TASP1: variants seen among roughly 807,000 people sequenced by gnomAD.
TASP1 encodes the protein taspase 1, also known as threonine aspartase 1.
In TASP1, 16 loss-of-function variants were observed where a neutral mutation model predicts 56.6. That is an observed-to-expected ratio of 0.28 (90% CI 0.19 to 0.43). The LOEUF (loss-of-function observed/expected upper bound fraction) is 0.43. Among genes scored for constraint, TASP1 ranks in the 20% least tolerant of loss-of-function variants. TASP1 has a pLI of 1.00. For missense variants in TASP1, 393 were observed against 511.6 expected, an observed-to-expected ratio of 0.77 and a Z score of 2.24; for synonymous variants, 179 against 184.2, an observed-to-expected ratio of 0.97 and a Z score of 0.23.
At chr20:13,280,048 C>T in the TASP1 span, 3 of 698,908 alleles carry the variant, frequency 4.3e-6, no homozygotes, top group Non-Finnish European at 7.0e-6. Flanking sequence ...CCGCAGAAGC[C>T]CAAAGGAGGC....
chr20:13,183,778 C>G, the TASP1 span, among the ~76,000 whole-genome samples: 2 of 151,752 alleles, frequency 1.3e-5, no homozygotes. Context: ...GCCTGTAATC[C>G]CAGCACTTTG....
chr20:13,595,816 A>G (rs2047707870), intron 4 of TASP1, among the ~76,000 whole-genome samples: 1 of 152,160 alleles, frequency 6.6e-6, no homozygotes, highest in Non-Finnish European at 1.5e-5. Context: ...AGACAGATCA[A>G]CAAGACAGAA....
intron 11 of TASP1, among the ~76,000 whole-genome samples, chr20:13,467,930 C>A (rs1364488603): frequency 6.6e-6 from 1 of 152,022 alleles, no homozygotes; most frequent in South Asian, 2.1e-4. Context: ...GCAGGAGAAT[C>A]GCTTGAACCC....
chr20:13,574,005 A>G (rs2046810448), intron 6 of TASP1, among the ~76,000 whole-genome samples: 1 of 152,198 alleles, frequency 6.6e-6, no homozygotes, highest in South Asian at 2.1e-4. Context: ...AGCTGCATAT[A>G]GAGAGTACGC....
chr20:13,329,185 C>A, the TASP1 span, among the ~76,000 whole-genome samples: 1 of 151,996 alleles, frequency 6.6e-6, no homozygotes, highest in African/African-American at 2.4e-5. Flanking sequence ...CACCTCCCTG[C>A]CAAAAAAATT....
the TASP1 span, chr20:13,238,204 C>T: frequency 6.6e-6 from 1 of 152,160 alleles, no homozygotes; most frequent in Admixed American, 6.5e-5. Flanking sequence ...CAAACATTCC[C>T]AGAAGTCCAG....
intron 7 of TASP1, among the ~76,000 whole-genome samples, chr20:13,562,978 G>T (rs1409637866): frequency 2.9e-5 from 4 of 139,234 alleles, no homozygotes; most frequent in Non-Finnish European, 6.2e-5. Context: ...GTATGTATGT[G>T]TGTGTATATA....
chr20:13,587,462 G>T, intron 4 of TASP1, 92 bp from the exon 5 acceptor site: 1 of 1,078,868 alleles, frequency 9.3e-7, no homozygotes, highest in Non-Finnish European at 1.3e-6. Flanking sequence ...GCTAGAAGGT[G>T]AGAGAATACT....
the TASP1 span, chr20:13,110,284 C>T: frequency 3.9e-6 from 5 of 1,281,890 alleles, no homozygotes; most frequent in Admixed American, 2.0e-5. Context: ...TGCGGAAAGG[C>T]TCACCTTTCC....
the TASP1 span, among the ~76,000 whole-genome samples, chr20:13,298,481 C>T: frequency 2.4e-4 from 37 of 152,270 alleles, no homozygotes; most frequent in African/African-American, 6.7e-4. Flanking sequence ...GAGTGATAAT[C>T]GGATCACGGT....
At chr20:13,401,212 A>C (rs2041727084) in intron 13 of TASP1, among the ~76,000 whole-genome samples, 1 of 152,210 alleles carries the variant, frequency 6.6e-6, no homozygotes, top group Non-Finnish European at 1.5e-5. Context: ...TTAAATGTTT[A>C]AATCTGTGTA....
At chr20:13,422,706 A>G (rs73901161) in intron 12 of TASP1, among the ~76,000 whole-genome samples, 4,357 of 152,312 alleles carry the variant, frequency 0.029, 202 homozygotes, top group African/African-American at 0.097. Flanking sequence ...ACCATTAAAA[A>G]GTGCAAAAAT....
At chr20:13,475,194 A>G (rs1291768148) in intron 11 of TASP1, among the ~76,000 whole-genome samples, 1 of 152,176 alleles carries the variant, frequency 6.6e-6, no homozygotes, top group East Asian at 1.9e-4. Context: ...ATATATATGT[A>G]TGTATAATTA....
the TASP1 span, among the ~76,000 whole-genome samples, chr20:13,137,652 T>C: frequency 6.6e-6 from 1 of 152,172 alleles, no homozygotes; most frequent in Non-Finnish European, 1.5e-5. Context: ...AAAGCATATA[T>C]TCTGTTCATT....
At chr20:13,374,894 A>C in the TASP1 span, among the ~76,000 whole-genome samples, 2 of 152,238 alleles carry the variant, frequency 1.3e-5, no homozygotes, top group East Asian at 3.9e-4. Context: ...TAATTTTAGC[A>C]GTTTTCTTTG....
At chr20:13,413,267 A>G (rs1228908333) in intron 13 of TASP1, among the ~76,000 whole-genome samples, 2 of 152,206 alleles carry the variant, frequency 1.3e-5, no homozygotes, top group African/African-American at 4.8e-5. Context: ...GGTGAGGGAA[A>G]TATGGTATGG....
chr20:13,128,857 A>G, the TASP1 span, among the ~76,000 whole-genome samples: 2 of 145,050 alleles, frequency 1.4e-5, no homozygotes, highest in Admixed American at 7.0e-5. Context: ...GGCATGCACC[A>G]CCATGCCCAG....
chr20:13,306,564 CAAAAAAAAA>C, the TASP1 span, among the ~76,000 whole-genome samples: 18 of 63,910 alleles, frequency 2.8e-4, no homozygotes, highest in South Asian at 3.9e-3. Context: ...GGAGAAAGGA[CAAAAAAAAA>C]AAAAAAAAAA....
rs71334125 is a variant in TASP1, at chr20:13,509,124, A to AGTGTGTGTGTGTGT, written c.874+19295_874+19308dup. Among the ~76,000 whole-genome samples, 159 of 142,874 alleles carry AGTGTGTGTGTGTGT rather than the reference A, an allele frequency of 1.1e-3. 1 individual carries two copies. Among genetic ancestry groups the AGTGTGTGTGTGTGT allele is most frequent in the East Asian group, 4.9e-3 (24 of 4,862 alleles). The allele number at this position is 142,874 out of a possible 152,430, so 93.7% of individuals were successfully genotyped here. The stretch of plus-strand genomic sequence containing the variant: ...AATGAATGAATGAATGAATGAAGAA[A>AGTGTGTGTGTGTGT]GTGTGTGTGTGTGTGTGTGTGTGTG... On this transcript the variant is annotated intron_variant, in intron 10 of 13. Transcript: ENST00000337743.
Sources: gnomAD v4.1 joint callset for allele counts (sites outside exome capture counted in the v4.1 genomes callset) on GRCh38, gnomAD v4.1.1 for gene constraint, MANE v1.5 for transcripts, NCBI Gene and HGNC (gene_info 2026-07-23, HGNC 2026-07-21) for gene names.